IL1RAPL1: variants seen among roughly 807,000 people sequenced by gnomAD.
The protein encoded by IL1RAPL1 is interleukin-1 receptor accessory protein-like 1.
IL1RAPL1 carries 3 observed loss-of-function variants against 48.4 expected under a neutral mutation model. That is an observed-to-expected ratio of 0.06 (90% confidence interval 0.03 to 0.16). The LOEUF (loss-of-function observed/expected upper bound fraction) is 0.16. Ranked by LOEUF, IL1RAPL1 falls within the 10% of genes least tolerant of loss-of-function variation. The pLI is 1.00. For missense variants in IL1RAPL1, 349 were observed against 530.6 expected (o/e 0.66, Z 3.36); for synonymous variants, 185 against 187.7 (o/e 0.99, Z 0.12).
At chrX:28,732,310 A>G in intron 1 of IL1RAPL1, among the ~76,000 whole-genome samples, 1 of 111,822 alleles carries the variant, frequency 8.9e-6, no homozygotes, top group South Asian at 3.7e-4. Flanking sequence ...TCAAATTTTA[A>G]TTTGCATTAT....
chrX:29,773,130 G>A (rs1418540491), intron 6 of IL1RAPL1, among the ~76,000 whole-genome samples: 2 of 112,245 alleles, frequency 1.8e-5, no homozygotes, highest in African/African-American at 6.5e-5. Context: ...ATATTCCAAG[G>A]CTGCATAAAG....
At chrX:29,450,212 T>G (rs191595488) in intron 5 of IL1RAPL1, among the ~76,000 whole-genome samples, 1 of 111,777 alleles carries the variant, frequency 8.9e-6, no homozygotes, top group African/African-American at 3.2e-5. Flanking sequence ...GTAAAAAAAA[T>G]TATAATTTAT....
chrX:29,259,248 A>T (rs1931809807), intron 2 of IL1RAPL1, among the ~76,000 whole-genome samples: 1 of 112,060 alleles, frequency 8.9e-6, no homozygotes, highest in Non-Finnish European at 1.9e-5. Flanking sequence ...CTCAATTTTT[A>T]AAATTATTTT....
intron 5 of IL1RAPL1, among the ~76,000 whole-genome samples, chrX:29,432,294 T>C (rs1934431091): frequency 9.0e-6 from 1 of 111,599 alleles, no homozygotes; most frequent in African/African-American, 3.2e-5. Flanking sequence ...TTTCAGTCTC[T>C]TGCCAGTTTT....
chrX:28,780,726 G>A (rs965706056), intron 1 of IL1RAPL1, among the ~76,000 whole-genome samples: 2 of 109,476 alleles, frequency 1.8e-5, no homozygotes, highest in Non-Finnish European at 3.8e-5. Context: ...GTGGAGGAGA[G>A]CCAAAATCAG....
chrX:29,385,283 C>T (rs770925899), intron 3 of IL1RAPL1, among the ~76,000 whole-genome samples: 74 of 111,699 alleles, frequency 6.6e-4, no homozygotes, highest in Middle Eastern at 4.6e-3. Context: ...GGAGAAAGCC[C>T]GTCTCTACTA....
At chrX:29,807,188 TTA>T (rs940390903) in intron 6 of IL1RAPL1, among the ~76,000 whole-genome samples, 7 of 109,986 alleles carry the variant, frequency 6.4e-5, no homozygotes, top group African/African-American at 2.0e-4. Flanking sequence ...ATATATTAAA[TTA>T]TATATATATA....
At chrX:28,645,899 C>A (rs1251334803) in intron 1 of IL1RAPL1, among the ~76,000 whole-genome samples, 1 of 111,907 alleles carries the variant, frequency 8.9e-6, no homozygotes, top group Non-Finnish European at 1.9e-5. Context: ...ATTAACCATA[C>A]CTCTTCGTAA....
chrX:29,693,760 C>T (rs890337261), intron 6 of IL1RAPL1, among the ~76,000 whole-genome samples: 2 of 111,259 alleles, frequency 1.8e-5, no homozygotes, highest in African/African-American at 6.5e-5. Flanking sequence ...GTACCTAAGT[C>T]CCATTAATGG....
intron 2 of IL1RAPL1, among the ~76,000 whole-genome samples, chrX:29,091,190 C>T (rs1928082206): frequency 8.9e-6 from 1 of 112,216 alleles, no homozygotes; most frequent in African/African-American, 3.2e-5. Context: ...CACATATAAA[C>T]ATAATGCATA....
intron 1 of IL1RAPL1, among the ~76,000 whole-genome samples, chrX:28,762,819 CACACAGAGAGAGAGAGAGAG>C (rs753316913): frequency 3.1e-4 from 12 of 39,261 alleles, no homozygotes; most frequent in Non-Finnish European, 5.7e-4. Context: ...CACACACACA[CACACAGAGAGAGAGAGAGAG>C]AGAGAGAGAG....
At chrX:29,621,358 CAT>C (rs1038714485) in intron 5 of IL1RAPL1, among the ~76,000 whole-genome samples, 1 of 110,699 alleles carries the variant, frequency 9.0e-6, no homozygotes, top group African/African-American at 3.3e-5. Flanking sequence ...TATATGTACA[CAT>C]ATATATAGAA....
intron 3 of IL1RAPL1, among the ~76,000 whole-genome samples, chrX:29,390,405 A>T (rs2147681722): frequency 8.9e-6 from 1 of 112,129 alleles, no homozygotes; most frequent in African/African-American, 3.2e-5. Flanking sequence ...GTTAGAGTAG[A>T]CCATATAAAA....
chrX:29,169,831 TTA>T (rs1313134627), intron 2 of IL1RAPL1, among the ~76,000 whole-genome samples: 1 of 111,055 alleles, frequency 9.0e-6, no homozygotes, highest in African/African-American at 3.2e-5. Context: ...AATAAAATAA[TTA>T]GATTTAATAT....
chrX:28,699,785 T>G (rs1935274591), intron 1 of IL1RAPL1, among the ~76,000 whole-genome samples: 1 of 112,144 alleles, frequency 8.9e-6, no homozygotes, highest in South Asian at 3.7e-4. Flanking sequence ...ATGAACCATA[T>G]GTAAATGGTG....
chrX:29,463,418 C>T (rs183771432), intron 5 of IL1RAPL1, among the ~76,000 whole-genome samples: 1,638 of 111,961 alleles, frequency 0.015, 10 homozygotes, highest in South Asian at 0.027. Context: ...ACTAAAGTAC[C>T]GGCAGAAACA....
intron 3 of IL1RAPL1, among the ~76,000 whole-genome samples, chrX:29,356,283 C>G (rs1933301074): frequency 1.3e-5 from 1 of 79,724 alleles, no homozygotes; most frequent in Non-Finnish European, 2.5e-5. Flanking sequence ...CGACACTAAT[C>G]CCTTTATTCT....
chrX:29,238,161 A>C (rs1931343928), intron 2 of IL1RAPL1, among the ~76,000 whole-genome samples: 1 of 111,831 alleles, frequency 8.9e-6, no homozygotes, highest in South Asian at 3.8e-4. Flanking sequence ...AAAGACCTAC[A>C]CACCTGCTTC....
intron 3 of IL1RAPL1, among the ~76,000 whole-genome samples, chrX:29,288,514 T>A (rs781286898): frequency 8.9e-6 from 1 of 112,445 alleles, no homozygotes; most frequent in Non-Finnish European, 1.9e-5. Context: ...GGCAGCATAG[T>A]ATTCCATGGT....
Sources: allele counts gnomAD v4.1 joint callset (sites outside exome capture counted in the v4.1 genomes callset), GRCh38; gene constraint gnomAD v4.1.1; transcripts MANE v1.5; gene names NCBI Gene and HGNC (gene_info 2026-07-23, HGNC 2026-07-21).